The following CATSPERD variants were observed in gnomAD, a reference collection of about 807,000 sequenced individuals.
CATSPERD encodes the protein catsper channel auxiliary subunit delta, also known as cation channel sperm-associated auxiliary subunit delta.
CATSPERD carries 86 observed loss-of-function variants against 98.1 expected under a neutral mutation model. The ratio of observed to expected loss-of-function variants is 0.88; its 90% CI spans 0.74 to 1.05. The LOEUF is 1.05. Among genes scored for constraint, CATSPERD ranks in the 50% least tolerant of loss-of-function variants. CATSPERD has a pLI of 0.00. For synonymous variants in CATSPERD, 394 were observed against 390.2 expected, an observed-to-expected ratio of 1.01 and a Z score of -0.12; for missense variants, 995 against 1,005.7, an observed-to-expected ratio of 0.99 and a Z score of 0.14.
intron 15 of CATSPERD, among the ~76,000 whole-genome samples, chr19:5,761,823 C>T (rs1430857967): frequency 6.6e-6 from 1 of 151,508 alleles, no homozygotes; most frequent in Non-Finnish European, 1.5e-5. Flanking sequence ...CTGCCTCAGC[C>T]TCCCAAGTAG....
chr19:5,775,194 TGAAG>T (rs2056718454), intron 20 of CATSPERD: 2 of 469,678 alleles, frequency 4.3e-6, no homozygotes, highest in Non-Finnish European at 8.8e-6. Context: ...GTTACAAGAC[TGAAG>T]GAAGGGGGAA....
intron 5 of CATSPERD, 127 bp from the exon 6 acceptor site, chr19:5,737,011 C>A (rs1030684252): frequency 3.8e-6 from 2 of 531,362 alleles, no homozygotes; most frequent in South Asian, 4.1e-5. Context: ...GAGCCAGGAT[C>A]ACGCCACTGC....
chr19:5,762,509 G>A lies in CATSPERD; in HGVS notation c.1428-706G>A, dbSNP rs767467663. 4.1e-4 allele frequency among the ~76,000 whole-genome samples: 63 copies of A among 152,268 alleles called. No individual in the cohort carries two copies. In the Middle Eastern group the frequency reaches 0.01, roughly 25 times the overall value. ...GATTACAATTTGAGATGAGATTTGG[G>A]TGGGGACATAGAACCAAACCATATC... is the stretch of plus-strand genomic sequence containing the variant. On this transcript the variant is annotated intron_variant, in intron 15 of 21. Transcript: ENST00000381624.
At chr19:5,772,207 C>G (rs2145865673) in intron 19 of CATSPERD, 9 of 355,786 alleles carry the variant, frequency 2.5e-5, no homozygotes, top group South Asian at 1.9e-4. Flanking sequence ...ACCACAATGC[C>G]CGGTTAATTT....
At chr19:5,725,128 T>G (rs1808990156) in intron 2 of CATSPERD, among the ~76,000 whole-genome samples, 1 of 151,978 alleles carries the variant, frequency 6.6e-6, no homozygotes, top group South Asian at 2.1e-4. Flanking sequence ...TTTTATCGAG[T>G]GTTCTGTTTA....
At chr19:5,766,940 G>A (rs1303678585) in intron 17 of CATSPERD, among the ~76,000 whole-genome samples, 3 of 151,776 alleles carry the variant, frequency 2.0e-5, no homozygotes, top group East Asian at 3.9e-4. Flanking sequence ...TGATTTGCCC[G>A]CCTCAGCCTC....
At chr19:5,731,091 CAAAAAA>C (rs762460181) in intron 4 of CATSPERD, among the ~76,000 whole-genome samples, 1 of 75,122 alleles carries the variant, frequency 1.3e-5, no homozygotes, top group African/African-American at 5.3e-5. Context: ...GACTCCGTCT[CAAAAAA>C]AAAAAAAAAA....
At position 5,778,487 on chromosome 19, in the gene CATSPERD, C is replaced by T. The variant is rs368816572; in HGVS notation, c.2208C>T (p.Ser736=). ...TGATCATCTCCAGCATCCTGGGGTCCGTTTGGCTGGCCTACAAGACCCCCA... is the reference window on the plus strand; with the variant it reads ...TGATCATCTCCAGCATCCTGGGGTCTGTTTGGCTGGCCTACAAGACCCCCA... ...ILLIISSILG[S]VWLAYKTPKL... The change falls in exon 22 of 22, where the codon TCC becomes TCT. Residue 736 remains serine (S), a synonymous_variant. Coordinates refer to ENST00000381624, the MANE Select transcript of CATSPERD (RefSeq NM_152784.4). The T allele has an allele frequency of 4.1e-5, 66 of 1,613,908 alleles. No individual in the cohort carries two copies. In the African/African-American group the frequency reaches 5.5e-4, roughly 13 times the overall value.
intron 9 of CATSPERD, among the ~76,000 whole-genome samples, chr19:5,746,368 G>A (rs578246520): frequency 7.9e-5 from 12 of 152,240 alleles, no homozygotes; most frequent in Middle Eastern, 3.4e-3. Flanking sequence ...TGGGAAAAAC[G>A]CCAGTCAGAC....
At chr19:5,762,058 A>ATATATATATATATATTTTTTTTTTT in intron 15 of CATSPERD, among the ~76,000 whole-genome samples, 2 of 10,436 alleles carry the variant, frequency 1.9e-4, no homozygotes, top group Non-Finnish European at 1.8e-4. Flanking sequence ...ATATATATAT[A>ATATATATATATATATTTTTTTTTTT]TTTTTTTTTT....
rs181205852 is a variant in CATSPERD, at chr19:5,724,453, A to G, written c.72-355A>G. The stretch of plus-strand genomic sequence containing the variant: ...AGTGGCTCACGCCTGTAATCCCAAC[A>G]CTTCGGGAGGCCAAGGCAGGCAGAT... On this transcript the variant is annotated intron_variant, in intron 1 of 21. Transcript: ENST00000381624. Among the ~76,000 whole-genome samples, 271 of 152,222 alleles carry G rather than the reference A, an allele frequency of 1.8e-3. 3 individuals carry two copies. The highest frequency in any genetic ancestry group is 6.3e-3 in the African/African-American group (260 of 41,558).
chr19:5,734,212 A>G (rs1350423474), intron 5 of CATSPERD, among the ~76,000 whole-genome samples: 1 of 152,044 alleles, frequency 6.6e-6, no homozygotes, highest in African/African-American at 2.4e-5. Flanking sequence ...GAAACAAACA[A>G]GAGGCATTGG....
chr19:5,764,608 C>T (rs1169201460), intron 16 of CATSPERD, among the ~76,000 whole-genome samples: 17 of 151,774 alleles, frequency 1.1e-4, no homozygotes, highest in African/African-American at 3.6e-4. Flanking sequence ...TGAGCCACTG[C>T]GCCCGGCCAT....
intron 7 of CATSPERD, among the ~76,000 whole-genome samples, chr19:5,742,936 C>T (rs1161830938): frequency 6.6e-6 from 1 of 152,124 alleles, no homozygotes; most frequent in Admixed American, 6.6e-5. Context: ...CCAAAGGTGT[C>T]CACATCCTAA....
intron 1 of CATSPERD, among the ~76,000 whole-genome samples, chr19:5,722,046 G>C (rs970038371): frequency 6.6e-6 from 1 of 151,422 alleles, no homozygotes; most frequent in Non-Finnish European, 1.5e-5. Context: ...TGAACTCCTA[G>C]GCTCCAGTGA....
chr19:5,759,811 C>G (rs1003431266), intron 15 of CATSPERD, among the ~76,000 whole-genome samples: 1 of 151,902 alleles, frequency 6.6e-6, no homozygotes, highest in Admixed American at 6.6e-5. Context: ...CGCGGTGGCT[C>G]ACACCTGTAA....
chr19:5,726,096 C>G (rs1213603817), intron 2 of CATSPERD, among the ~76,000 whole-genome samples: 1 of 147,446 alleles, frequency 6.8e-6, no homozygotes, highest in African/African-American at 2.5e-5. Context: ...GAGTCTTGCT[C>G]TGTCACCCAG....
intron 18 of CATSPERD, among the ~76,000 whole-genome samples, 164 bp from the exon 19 acceptor site, chr19:5,770,780 C>T (rs1208282408): frequency 6.6e-6 from 1 of 152,048 alleles, no homozygotes; most frequent in Non-Finnish European, 1.5e-5. Flanking sequence ...ACAGAAGTTC[C>T]AATATCATCT....
chr19:5,744,897 G>A (rs184761084), intron 8 of CATSPERD, among the ~76,000 whole-genome samples: 80 of 151,666 alleles, frequency 5.3e-4, no homozygotes, highest in African/African-American at 1.9e-3. Context: ...CACGGCGCCC[G>A]GCATCGATAA....
Sources: gnomAD v4.1 joint callset for allele counts (sites outside exome capture counted in the v4.1 genomes callset) on GRCh38, gnomAD v4.1.1 for gene constraint, MANE v1.5 for transcripts, NCBI Gene and HGNC (gene_info 2026-07-23, HGNC 2026-07-21) for gene names.